Variants in GRIA1 observed in about 807,000 individuals in gnomAD.
GRIA1 encodes the protein glutamate ionotropic receptor AMPA type subunit 1, also known as glutamate receptor 1.
GRIA1 carries 31 observed loss-of-function variants against 99.2 expected under a neutral mutation model. The ratio of observed to expected loss-of-function variants is 0.31; its 90% CI spans 0.23 to 0.42. The LOEUF (loss-of-function observed/expected upper bound fraction) is 0.42, where lower values mean the gene tolerates loss of function less well. Ranked by LOEUF, GRIA1 falls within the 10% of genes least tolerant of loss-of-function variation. The probability of loss-of-function intolerance (pLI) is 1.00; values close to 1 mark genes in which losing one functional copy is unlikely to be tolerated. For synonymous variants in GRIA1, 438 were observed against 432.4 expected, an observed-to-expected ratio of 1.01 and a Z score of -0.16; for missense variants, 782 against 1,157.5, an observed-to-expected ratio of 0.68 and a Z score of 4.71.
At chr5:153,793,057 G>A (rs751460878) in intron 13 of GRIA1, among the ~76,000 whole-genome samples, 10 of 152,174 alleles carry the variant, frequency 6.6e-5, no homozygotes, top group East Asian at 3.8e-4. Context: ...AAAAGGTAAC[G>A]GTTATAGTAA....
At chr5:153,555,867 C>G (rs1168055712) in intron 2 of GRIA1, among the ~76,000 whole-genome samples, 2 of 152,126 alleles carry the variant, frequency 1.3e-5, no homozygotes, top group African/African-American at 4.8e-5. Flanking sequence ...AGCTAAAGAG[C>G]GATCTGACCT....
intron 2 of GRIA1, among the ~76,000 whole-genome samples, chr5:153,495,311 C>A (rs575497): frequency 6.6e-6 from 1 of 152,114 alleles, no homozygotes; most frequent in Non-Finnish European, 1.5e-5. Flanking sequence ...TCATTTAATC[C>A]TCACAGGAGC....
At chr5:153,649,991 C>G (rs1453822778) in intron 3 of GRIA1, among the ~76,000 whole-genome samples, 1 of 152,154 alleles carries the variant, frequency 6.6e-6, no homozygotes, top group East Asian at 1.9e-4. Flanking sequence ...CTCACTTAAT[C>G]CTCATAATGA....
chr5:153,523,396 G>C (rs989498869), intron 2 of GRIA1, among the ~76,000 whole-genome samples: 17 of 152,072 alleles, frequency 1.1e-4, no homozygotes, highest in African/African-American at 3.1e-4. Flanking sequence ...CCTCCAAGAA[G>C]CCTCATTTTT....
intron 9 of GRIA1, among the ~76,000 whole-genome samples, chr5:153,698,423 C>G (rs1300029859): frequency 6.6e-6 from 1 of 152,146 alleles, no homozygotes; most frequent in Non-Finnish European, 1.5e-5. Flanking sequence ...ATAAGAATGA[C>G]ACTAAATTGT....
chr5:153,662,814 G>A (rs1298767801), intron 5 of GRIA1, among the ~76,000 whole-genome samples: 2 of 152,120 alleles, frequency 1.3e-5, no homozygotes, highest in Non-Finnish European at 2.9e-5. Context: ...GTTGAGGGTG[G>A]GGCAGGAGCA....
intron 5 of GRIA1, among the ~76,000 whole-genome samples, chr5:153,669,078 A>C (rs1755960987): frequency 6.6e-6 from 1 of 152,142 alleles, no homozygotes; most frequent in East Asian, 1.9e-4. Context: ...CTTAACAGAA[A>C]ATTAGGATGG....
intron 2 of GRIA1, among the ~76,000 whole-genome samples, chr5:153,542,653 TCA>T (rs1180486886): frequency 6.6e-6 from 1 of 152,222 alleles, no homozygotes; most frequent in Non-Finnish European, 1.5e-5. Flanking sequence ...GAACTAGCAA[TCA>T]CAGAGTCTAG....
chr5:153,722,591 C>T (rs1054795602), intron 11 of GRIA1, among the ~76,000 whole-genome samples: 1 of 152,194 alleles, frequency 6.6e-6, no homozygotes, highest in African/African-American at 2.4e-5. Context: ...CTGTATACCA[C>T]TTTCACATAA....
intron 11 of GRIA1, among the ~76,000 whole-genome samples, chr5:153,711,128 G>C (rs931033475): frequency 6.6e-6 from 1 of 152,182 alleles, no homozygotes; most frequent in Admixed American, 6.5e-5. Flanking sequence ...GCAGAGGCCT[G>C]CGCAGGGCCC....
At chr5:153,596,009 A>G (rs1176383921) in intron 2 of GRIA1, among the ~76,000 whole-genome samples, 1 of 140,240 alleles carries the variant, frequency 7.1e-6, no homozygotes, top group African/African-American at 2.5e-5. Flanking sequence ...TTATTAGGGA[A>G]ATACACATAT....
chr5:153,743,331 CTA>C (rs1006775355), intron 11 of GRIA1, among the ~76,000 whole-genome samples: 1 of 152,164 alleles, frequency 6.6e-6, no homozygotes. Context: ...CCTCATGGTT[CTA>C]TAGGTCAGAA....
At chr5:153,610,965 C>T (rs890531593) in intron 2 of GRIA1, among the ~76,000 whole-genome samples, 1 of 152,198 alleles carries the variant, frequency 6.6e-6, no homozygotes, top group Non-Finnish European at 1.5e-5. Context: ...AACAGGCTGT[C>T]TTCAACCTGG....
chr5:153,532,855 A>AAAAT (rs1255107537), intron 2 of GRIA1, among the ~76,000 whole-genome samples: 2 of 152,206 alleles, frequency 1.3e-5, no homozygotes, highest in Non-Finnish European at 2.9e-5. Context: ...TAGCTAATAA[A>AAAAT]AAATAAATAA....
chr5:153,644,304 A>C (rs1422897), intron 2 of GRIA1, among the ~76,000 whole-genome samples: 84,361 of 151,932 alleles, frequency 0.56, 24,129 homozygotes, highest in Non-Finnish European at 0.6. Context: ...GATAGAGTGT[A>C]CTCATTAGGG....
At position 153,618,058 on chromosome 5, in the gene GRIA1, G is replaced by C. The variant is rs931534715; in HGVS notation, c.221-28870G>C. Among the ~76,000 whole-genome samples, 3 of 152,172 alleles carry C rather than the reference G, an allele frequency of 2.0e-5. No homozygotes were observed. The East Asian group carries it at 5.8e-4, about 29-fold the overall frequency. On this transcript the variant is annotated intron_variant, in intron 2 of 15. Transcript: ENST00000285900. The stretch of plus-strand genomic sequence containing the variant: ...ATAGCATAAAATTATTTGGTTTCTT[G>C]TATGCTGGTTTTCTTCCCAGAGGTA...
At chr5:153,671,417 C>T (rs982038989) in intron 5 of GRIA1, among the ~76,000 whole-genome samples, 4 of 152,176 alleles carry the variant, frequency 2.6e-5, no homozygotes, top group African/African-American at 4.8e-5. Context: ...CAACTGTGCT[C>T]TAGCTTTTAA....
intron 13 of GRIA1, among the ~76,000 whole-genome samples, chr5:153,775,861 A>C (rs924396015): frequency 6.6e-6 from 1 of 151,722 alleles, no homozygotes; most frequent in Non-Finnish European, 1.5e-5. Flanking sequence ...AGGAGGCTTC[A>C]TATTAGGGGC....
chr5:153,790,694 A>G (rs749416671), intron 13 of GRIA1, among the ~76,000 whole-genome samples: 27 of 152,188 alleles, frequency 1.8e-4, no homozygotes, highest in Non-Finnish European at 3.4e-4. Context: ...CTTTACTTCT[A>G]TAAAAGGAAG....
Sources: allele counts gnomAD v4.1 joint callset (sites outside exome capture counted in the v4.1 genomes callset), GRCh38; gene constraint gnomAD v4.1.1; transcripts MANE v1.5; gene names NCBI Gene and HGNC (gene_info 2026-07-23, HGNC 2026-07-21).